CNTNAP2: variants seen among roughly 807,000 people sequenced by gnomAD.
CNTNAP2 encodes the protein contactin-associated protein-like 2.
A neutral mutation model predicts 155.2 loss-of-function variants in CNTNAP2; 98 were observed. That is an observed-to-expected ratio of 0.63 (90% confidence interval 0.54 to 0.75). The LOEUF is 0.75. CNTNAP2 is among the 30% of genes least tolerant of loss of function. The pLI is 0.00. For synonymous variants in CNTNAP2, 651 were observed against 631.2 expected, an observed-to-expected ratio of 1.03 and a Z score of -0.47; for missense variants, 1,727 against 1,688.1, an observed-to-expected ratio of 1.02 and a Z score of -0.40.
At chr7:147,654,808 C>CTTTTTTTTTTTTTTT (rs1186575442) in intron 13 of CNTNAP2, among the ~76,000 whole-genome samples, 3 of 97,310 alleles carry the variant, frequency 3.1e-5, no homozygotes, top group Admixed American at 1.4e-4. Context: ...AAATATATTT[C>CTTTTTTTTTTTTTTT]TTTTTTTTTT....
intron 23 of CNTNAP2, 36 bp from the exon 24 acceptor site, chr7:148,415,381 C>A: frequency 6.2e-7 from 1 of 1,607,870 alleles, no homozygotes; most frequent in East Asian, 2.2e-5. Context: ...CTCCCAAGCC[C>A]TGTCTAACCT....
At chr7:146,314,096 C>T (rs983376905) in intron 1 of CNTNAP2, among the ~76,000 whole-genome samples, 1 of 152,104 alleles carries the variant, frequency 6.6e-6, no homozygotes, top group Admixed American at 6.5e-5. Flanking sequence ...TCGGTTTTCC[C>T]ATCAGCATTT....
intron 12 of CNTNAP2, among the ~76,000 whole-genome samples, chr7:147,602,912 C>T (rs1206170654): frequency 6.6e-6 from 1 of 151,976 alleles, no homozygotes; most frequent in Non-Finnish European, 1.5e-5. Flanking sequence ...GGGTTGGTTC[C>T]AAGTCTTTGC....
chr7:148,388,476 A>G (rs1295135896), intron 22 of CNTNAP2, among the ~76,000 whole-genome samples: 1 of 152,100 alleles, frequency 6.6e-6, no homozygotes, highest in African/African-American at 2.4e-5. Flanking sequence ...ACATGAACTC[A>G]TCATTTTTTA....
chr7:148,220,916 C>T (rs566276272), intron 19 of CNTNAP2, among the ~76,000 whole-genome samples: 1 of 152,146 alleles, frequency 6.6e-6, no homozygotes, highest in Non-Finnish European at 1.5e-5. Flanking sequence ...CAGATAAGAA[C>T]CTTGGGTTTC....
intron 11 of CNTNAP2, among the ~76,000 whole-genome samples, chr7:147,546,245 T>G (rs1476358281): frequency 6.6e-6 from 1 of 152,184 alleles, no homozygotes. Context: ...AGAACACTAC[T>G]GTAAAATTCT....
At chr7:147,740,007 G>A (rs950547160) in intron 13 of CNTNAP2, among the ~76,000 whole-genome samples, 4 of 152,156 alleles carry the variant, frequency 2.6e-5, no homozygotes, top group South Asian at 2.1e-4. Context: ...AACTCCAGGT[G>A]TCTGTGTAGC....
At position 146,729,079 on chromosome 7, in the gene CNTNAP2, C is replaced by A. The variant is rs1801480777; in HGVS notation, c.98-45192C>A. 2.0e-5 allele frequency among the ~76,000 whole-genome samples: 3 copies of A among 152,250 alleles called. No homozygotes were observed. In the South Asian group the frequency reaches 6.2e-4, roughly 32 times the overall value. On this transcript the variant is annotated intron_variant, in intron 1 of 23. Coordinates refer to ENST00000361727, the MANE Select transcript of CNTNAP2 (RefSeq NM_014141.6). The stretch of plus-strand genomic sequence containing the variant: ...AAAATTAAACCCTCTGGGGCTGATC[C>A]ACGCGGAGCTCAGTTGAAGTATTAC...
intron 11 of CNTNAP2, among the ~76,000 whole-genome samples, chr7:147,559,329 A>C (rs1335998222): frequency 2.0e-5 from 3 of 152,254 alleles, no homozygotes; most frequent in Non-Finnish European, 4.4e-5. Context: ...ATTGGCAAGC[A>C]GCTGAAGCCA....
intron 16 of CNTNAP2, among the ~76,000 whole-genome samples, chr7:148,124,051 G>A (rs1563207026): frequency 6.6e-6 from 1 of 152,134 alleles, no homozygotes; most frequent in Non-Finnish European, 1.5e-5. Context: ...CATTCATATA[G>A]TTGAAGGAGA....
At chr7:146,652,485 A>T (rs775444703) in intron 1 of CNTNAP2, among the ~76,000 whole-genome samples, 3 of 152,168 alleles carry the variant, frequency 2.0e-5, no homozygotes, top group Non-Finnish European at 4.4e-5. Context: ...AGGTATGATT[A>T]GTAAGTAGGA....
chr7:146,576,683 A>G (rs1798530649), intron 1 of CNTNAP2, among the ~76,000 whole-genome samples: 1 of 152,188 alleles, frequency 6.6e-6, no homozygotes, highest in South Asian at 2.1e-4. Context: ...AGACTTTCCT[A>G]CATTTCTGTT....
intron 8 of CNTNAP2, among the ~76,000 whole-genome samples, chr7:147,182,787 C>T (rs953099698): frequency 1.3e-5 from 2 of 152,070 alleles, no homozygotes; most frequent in African/African-American, 4.8e-5. Context: ...GCTTCATACT[C>T]TACTTTCTAT....
At chr7:146,422,919 A>G (rs1324585871) in intron 1 of CNTNAP2, among the ~76,000 whole-genome samples, 2 of 152,192 alleles carry the variant, frequency 1.3e-5, no homozygotes, top group Non-Finnish European at 2.9e-5. Flanking sequence ...GATAAAAGGG[A>G]TGAAATATAA....
intron 3 of CNTNAP2, among the ~76,000 whole-genome samples, chr7:146,934,451 G>T (rs977647024): frequency 1.7e-5 from 2 of 120,718 alleles, no homozygotes; most frequent in African/African-American, 6.2e-5. Context: ...TGGGGTGGGG[G>T]GAGGGGGAAG....
chr7:147,046,197 C>G (rs1273604246), intron 4 of CNTNAP2, among the ~76,000 whole-genome samples: 6 of 152,164 alleles, frequency 3.9e-5, no homozygotes, highest in Non-Finnish European at 7.3e-5. Flanking sequence ...AAAATAAGCA[C>G]CCACCTGACC....
Position 148,299,260 on chromosome 7 carries a change from T to G in CNTNAP2, c.3475+32134T>G, listed in dbSNP as rs189570261. Among the ~76,000 whole-genome samples the G allele has an allele frequency of 5.1e-3, 769 of 152,240 alleles. 8 individuals carry two copies. Among genetic ancestry groups the G allele is most frequent in the African/African-American group, 0.017 (713 of 41,542 alleles). On this transcript the variant is annotated intron_variant, in intron 21 of 23. Coordinates refer to ENST00000361727, the MANE Select transcript of CNTNAP2 (RefSeq NM_014141.6). ...CCTCCTCAGCCTCCCAAAATGCTGGTATTACAGATGTGAGCCACCACACCC... is the reference window on the plus strand; with the variant it reads ...CCTCCTCAGCCTCCCAAAATGCTGGGATTACAGATGTGAGCCACCACACCC...
At chr7:147,866,029 A>G (rs1799220174) in intron 13 of CNTNAP2, among the ~76,000 whole-genome samples, 1 of 152,140 alleles carries the variant, frequency 6.6e-6, no homozygotes, top group Admixed American at 6.5e-5. Flanking sequence ...TGTCGATTTT[A>G]GATCTTTCCT....
At chr7:146,163,573 C>A (rs1278485230) in intron 1 of CNTNAP2, among the ~76,000 whole-genome samples, 8 of 96,036 alleles carry the variant, frequency 8.3e-5, no homozygotes, top group Non-Finnish European at 1.5e-4. Context: ...CTATCTATAT[C>A]TATCTATCTA....
Sources: allele counts gnomAD v4.1 joint callset (sites outside exome capture counted in the v4.1 genomes callset), GRCh38; gene constraint gnomAD v4.1.1; transcripts MANE v1.5; gene names NCBI Gene and HGNC (gene_info 2026-07-23, HGNC 2026-07-21).